The following GPC3 variants were observed in gnomAD, a reference collection of about 807,000 sequenced individuals.
GPC3 encodes the protein glypican-3.
Under a neutral mutation model 34.4 loss-of-function variants are expected in GPC3, and 3 were observed. The observed-to-expected ratio is 0.09, with a 90% CI of 0.04 to 0.23. The LOEUF is 0.23. GPC3 is among the 10% of genes least tolerant of loss of function. GPC3 has a pLI of 1.00. For synonymous variants in GPC3, 177 were observed against 174.0 expected (o/e 1.02, Z -0.13); for missense variants, 351 against 445.6 (o/e 0.79, Z 1.91).
chrX:133,729,264 G>A (rs927008147), intron 3 of GPC3, among the ~76,000 whole-genome samples: 4 of 111,141 alleles, frequency 3.6e-5, no homozygotes, highest in East Asian at 5.6e-4. Context: ...AATGAGTTCC[G>A]GACTGGAGTA....
At chrX:133,785,492 G>C (rs1196614092) in intron 2 of GPC3, among the ~76,000 whole-genome samples, 1 of 111,917 alleles carries the variant, frequency 8.9e-6, no homozygotes, top group Non-Finnish European at 1.9e-5. Flanking sequence ...TAAGTAGGTA[G>C]ATAGCTAGAC....
intron 7 of GPC3, among the ~76,000 whole-genome samples, chrX:133,588,641 T>C (rs1302827842): frequency 9.0e-6 from 1 of 110,969 alleles, no homozygotes; most frequent in African/African-American, 3.3e-5. Context: ...ACTTAAGCCA[T>C]TGAGGTGTCC....
chrX:133,799,569 A>G (rs989776642), intron 2 of GPC3, among the ~76,000 whole-genome samples: 2 of 111,510 alleles, frequency 1.8e-5, no homozygotes, highest in African/African-American at 6.5e-5. Context: ...ACAGTGCTAC[A>G]TAGCTTTTGT....
chrX:133,819,968 C>A (rs2075711228), intron 2 of GPC3, among the ~76,000 whole-genome samples: 1 of 111,881 alleles, frequency 8.9e-6, no homozygotes, highest in Non-Finnish European at 1.9e-5. Context: ...CACTACAGTC[C>A]TTTCAGTCTA....
intron 6 of GPC3, among the ~76,000 whole-genome samples, chrX:133,648,143 C>T (rs996728667): frequency 8.9e-5 from 10 of 112,207 alleles, no homozygotes; most frequent in African/African-American, 2.9e-4. Flanking sequence ...AGGGACAAAG[C>T]GGTTCTCATC....
chrX:133,608,298 C>G (rs1228586345), intron 6 of GPC3, among the ~76,000 whole-genome samples: 1 of 112,418 alleles, frequency 8.9e-6, no homozygotes, highest in Non-Finnish European at 1.9e-5. Flanking sequence ...TTGTGGAAAG[C>G]CACAAGGACA....
intron 6 of GPC3, among the ~76,000 whole-genome samples, chrX:133,641,703 G>C (rs757409711): frequency 9.0e-6 from 1 of 111,636 alleles, no homozygotes; most frequent in Admixed American, 9.5e-5. Context: ...TTCCTGGACC[G>C]TGGGCATTAG....
intron 3 of GPC3, among the ~76,000 whole-genome samples, chrX:133,738,844 C>A (rs938031902): frequency 9.0e-6 from 1 of 111,554 alleles, no homozygotes; most frequent in African/African-American, 3.3e-5. Flanking sequence ...TCAATTTATC[C>A]GAACATCTGG....
At chrX:133,611,527 C>A (rs1165400616) in intron 6 of GPC3, among the ~76,000 whole-genome samples, 1 of 111,943 alleles carries the variant, frequency 8.9e-6, no homozygotes, top group Non-Finnish European at 1.9e-5. Context: ...TCTATCTATT[C>A]CCAAATAATT....
At chrX:133,699,190 C>G (rs777723753) in intron 4 of GPC3, among the ~76,000 whole-genome samples, 41 of 111,912 alleles carry the variant, frequency 3.7e-4, no homozygotes, top group Non-Finnish European at 6.2e-4. Context: ...GCACTCCCCC[C>G]TCAAGGTCAA....
At chrX:133,779,721 A>C (rs2072026278) in intron 2 of GPC3, among the ~76,000 whole-genome samples, 1 of 109,197 alleles carries the variant, frequency 9.2e-6, no homozygotes, top group Admixed American at 9.8e-5. Flanking sequence ...GATTCATAGG[A>C]GTTTGGAAAA....
At chrX:133,819,242 AT>A (rs35893020) in intron 2 of GPC3, among the ~76,000 whole-genome samples, 4 of 94,196 alleles carry the variant, frequency 4.2e-5, no homozygotes, top group East Asian at 3.6e-4. Context: ...GAACAAGCGG[AT>A]TTTTTTTTAA....
intron 1 of GPC3, among the ~76,000 whole-genome samples, chrX:133,954,091 C>G (rs997590168): frequency 1.8e-5 from 2 of 111,778 alleles, no homozygotes; most frequent in African/African-American, 6.5e-5. Flanking sequence ...TCTATGGTTC[C>G]GTTTATACAA....
chrX:133,885,748 A>G (rs1245446827), intron 2 of GPC3, among the ~76,000 whole-genome samples: 1 of 112,174 alleles, frequency 8.9e-6, no homozygotes, highest in Non-Finnish European at 1.9e-5. Context: ...GTATGGGTTC[A>G]TGATTGCTAC....
chrX:133,656,997 C>T (rs746125574), intron 6 of GPC3, among the ~76,000 whole-genome samples: 4 of 111,793 alleles, frequency 3.6e-5, no homozygotes, highest in African/African-American at 9.7e-5. Context: ...GAGGCCATCT[C>T]GTCCACTCCC....
intron 3 of GPC3, among the ~76,000 whole-genome samples, chrX:133,735,879 C>T (rs1349227895): frequency 2.8e-5 from 3 of 108,639 alleles, no homozygotes; most frequent in Non-Finnish European, 5.7e-5. Context: ...GGGAGGATTG[C>T]TTGAGCCCAG....
At chrX:133,756,917 T>C (rs1250008248) in intron 2 of GPC3, among the ~76,000 whole-genome samples, 1 of 112,190 alleles carries the variant, frequency 8.9e-6, no homozygotes, top group Non-Finnish European at 1.9e-5. Flanking sequence ...AAACCAACAC[T>C]AGGCGAAAAG....
At chrX:133,638,821 T>TAA (rs781612003) in intron 6 of GPC3, among the ~76,000 whole-genome samples, 1 of 72,772 alleles carries the variant, frequency 1.4e-5, no homozygotes, top group Non-Finnish European at 2.5e-5. Context: ...GCTGATGAGC[T>TAA]AAAAAAAAAA....
In GPC3 at chrX:133,692,289, G is replaced by T. The variant is rs2071071662; in HGVS notation, c.1292+80C>A. 3 of 1,013,271 alleles carry T rather than the reference G, an allele frequency of 3.0e-6. No homozygotes were observed. In the South Asian group the frequency reaches 5.7e-5, roughly 19 times the overall value. 83.5% of individuals were successfully genotyped at this position (1,013,271 alleles called of 1,213,427 possible). A position where few individuals can be genotyped will look rare whatever the true frequency, so the allele number is the denominator to read the frequency against. ...TTTTCTGGTGCAATTAATGGAGATA[G>T]AAGACATAATTAACTTTTATATAAA... is the stretch of plus-strand genomic sequence containing the variant. On this transcript the variant is annotated intron_variant, in intron 5 of 7. Transcript: ENST00000370818.
Sources: gnomAD v4.1 joint callset for allele counts (sites outside exome capture counted in the v4.1 genomes callset) on GRCh38, gnomAD v4.1.1 for gene constraint, MANE v1.5 for transcripts, NCBI Gene and HGNC (gene_info 2026-07-23, HGNC 2026-07-21) for gene names.